BCL9: variants seen among roughly 807,000 people sequenced by gnomAD.
BCL9 encodes the protein B-cell CLL/lymphoma 9 protein.
In BCL9, 25 loss-of-function variants were observed where a neutral mutation model predicts 88.5. The ratio of observed to expected loss-of-function variants is 0.28; its 90% confidence interval spans 0.21 to 0.39. The LOEUF is 0.39. Ranked by LOEUF, BCL9 falls within the 10% of genes least tolerant of loss-of-function variation. The pLI is 1.00. For missense variants in BCL9, 1,817 were observed against 1,877.8 expected, an observed-to-expected ratio of 0.97 and a Z score of 0.60; for synonymous variants, 711 against 673.3, an observed-to-expected ratio of 1.06 and a Z score of -0.87.
Position 147,624,387 on chromosome 1 carries a change from T to A in BCL9, c.3709T>A (p.Ser1237Thr), listed in dbSNP as rs781808585. 1.2e-6 allele frequency: 2 copies of A among 1,614,192 alleles called. No individual in the cohort carries two copies. The highest frequency in any genetic ancestry group is 3.3e-5 in the Admixed American group (2 of 60,030). ...CACCGGAATACCTGAGTTTGATCTA[T>A]CCCGCATTATTCCATCTGAGAAGCC... ...GATGIPEFDL[S>T]RIIPSEKPSQ... The change falls in exon 10 of 10, where the codon TCC becomes ACC. Residue 1237 changes from serine (S) to threonine (T), a missense_variant. Physicochemically the swap from Ser to Thr is moderately conservative, Grantham distance 58. Transcript: ENST00000234739. The surrounding 1 kb of genome is among the most constrained non-coding windows in gnomAD (Gnocchi z 4.4).
chr1:147,564,964 A>C (rs1404041365), intron 1 of BCL9, among the ~76,000 whole-genome samples: 1 of 152,134 alleles, frequency 6.6e-6, no homozygotes, highest in Non-Finnish European at 1.5e-5. Context: ...ACACTAGCCT[A>C]ATTTCGAGTA....
rs74793072 is a variant in BCL9, at chr1:147,585,154, C to T, written c.-477-19623C>T. ...CTATCAGGTCTGCTCTTTAGGGGAG[C>T]GGAGATTGTGGTGGGATTTATTAAA... is the stretch of plus-strand genomic sequence containing the variant. On this transcript the variant is annotated intron_variant, in intron 1 of 9. Coordinates refer to ENST00000234739, the MANE Select transcript of BCL9 (RefSeq NM_004326.4). Among the ~76,000 whole-genome samples the T allele has an allele frequency of 7.9e-3, 1,194 of 152,098 alleles. 21 individuals are homozygous for T. The highest frequency in any genetic ancestry group is 0.027 in the African/African-American group (1,137 of 41,454).
intron 1 of BCL9, among the ~76,000 whole-genome samples, chr1:147,573,314 G>C (rs782173254): frequency 6.6e-6 from 1 of 152,154 alleles, no homozygotes; most frequent in Non-Finnish European, 1.5e-5. Flanking sequence ...TTACCCTGGC[G>C]TGGTGGCACA....
intron 1 of BCL9, among the ~76,000 whole-genome samples, chr1:147,573,992 T>C (rs1020471037): frequency 1.3e-5 from 2 of 152,160 alleles, no homozygotes; most frequent in African/African-American, 2.4e-5. Flanking sequence ...TGAGGGCTCA[T>C]TGAGGGCTAC....
At chr1:147,577,931 GA>G (rs1215362675) in intron 1 of BCL9, among the ~76,000 whole-genome samples, 1 of 151,202 alleles carries the variant, frequency 6.6e-6, no homozygotes, top group Non-Finnish European at 1.5e-5. Context: ...TATGACAAAT[GA>G]AGACATTATG....
chr1:147,550,676 GCCTGTGCTTTCTT>G (rs782505597), intron 1 of BCL9, among the ~76,000 whole-genome samples: 77 of 152,320 alleles, frequency 5.1e-4, no homozygotes, highest in Middle Eastern at 3.4e-3. Flanking sequence ...GAGCTTCAAA[GCCTGTGCTTTCTT>G]CCTGTGCTTT....
chr1:147,573,055 C>G (rs945944453), intron 1 of BCL9, among the ~76,000 whole-genome samples: 10 of 152,180 alleles, frequency 6.6e-5, no homozygotes, highest in Non-Finnish European at 1.5e-4. Context: ...TCTTATTAGC[C>G]TTGTCAGGGT....
At chr1:147,584,676 T>A (rs1271601996) in intron 1 of BCL9, among the ~76,000 whole-genome samples, 1 of 152,256 alleles carries the variant, frequency 6.6e-6, no homozygotes, top group Non-Finnish European at 1.5e-5. Context: ...TTCAGACTTA[T>A]GTCTTGTGTG....
Position 147,622,283 on chromosome 1 carries a change from C to T in BCL9, c.2915C>T (p.Pro972Leu). 1 of 1,614,146 alleles carries T rather than the reference C, an allele frequency of 6.2e-7. No individual in the cohort carries two copies. Among genetic ancestry groups the T allele is most frequent in the Non-Finnish European group, 8.5e-7 (1 of 1,180,000 alleles). ...TGCTTCCTTTTAGGTGGCCCCCCACCTCCTACAGCCAGCCAGCCTGCCTCT... is the reference window on the plus strand; with the variant it reads ...TGCTTCCTTTTAGGTGGCCCCCCACTTCCTACAGCCAGCCAGCCTGCCTCT... The part of the protein sequence containing the change: ...LGNVESGGPP[P>L]PTASQPASVN... Residue 972 changes from proline (P) to leucine (L), a missense_variant, in exon 9 of 10, where the codon CCT (proline) becomes CTT (leucine). Physicochemically the swap from Pro to Leu is moderately conservative, Grantham distance 98. Coordinates refer to ENST00000234739, the MANE Select transcript of BCL9 (RefSeq NM_004326.4).
intron 1 of BCL9, among the ~76,000 whole-genome samples, chr1:147,550,628 C>T (rs1449355538): frequency 6.6e-6 from 1 of 152,236 alleles, no homozygotes; most frequent in South Asian, 2.1e-4. Flanking sequence ...GAATTGGGGA[C>T]CAGGATGAGG....
At chr1:147,602,066 A>C (rs1409529129) in intron 1 of BCL9, among the ~76,000 whole-genome samples, 2 of 151,430 alleles carry the variant, frequency 1.3e-5, no homozygotes, top group African/African-American at 4.9e-5. Flanking sequence ...ACGTCCAGCT[A>C]ATTTATGTAC....
intron 7 of BCL9, among the ~76,000 whole-genome samples, chr1:147,617,611 T>C (rs587613230): frequency 1.6e-4 from 25 of 152,346 alleles, no homozygotes; most frequent in Middle Eastern, 3.4e-3. Flanking sequence ...AGAATATAAG[T>C]GCTCAAAGAT....
rs1553205565 is a variant in BCL9 at position 147,622,368 on chromosome 1, C to T, written c.3000C>T (p.Thr1000=). Residue 1000 remains threonine (T), a synonymous_variant, in exon 9 of 10, where the codon ACC becomes ACT. Transcript: ENST00000234739. ...STPYTMPPEP[T]LSQNPLSIMM... Reference sequence around the variant, plus strand: ...CTTATACCATGCCTCCAGAGCCAACCCTTTCCCAGAACCCACTCTCTATTA... The same window carrying T: ...CTTATACCATGCCTCCAGAGCCAACTCTTTCCCAGAACCCACTCTCTATTA... The T allele has an allele frequency of 6.2e-7, 1 of 1,614,188 alleles. No individual in the cohort carries two copies. The highest frequency in any genetic ancestry group is 8.5e-7 in the Non-Finnish European group (1 of 1,180,040).
At position 147,619,795 on chromosome 1, in the gene BCL9, G is replaced by A; in HGVS notation, c.1640G>A (p.Arg547Lys). The change falls in exon 8 of 10, where the codon AGG becomes AAG. Residue 547 changes from arginine to lysine, a missense_variant. This residue lies in a region of BCL9 where 1,228 missense variants were observed against 1,191.6 expected (regional missense o/e 1.03). Transcript: ENST00000234739. The surrounding 1 kb of genome is among the most constrained non-coding windows in gnomAD (Gnocchi z 4.1). ...GINMPHSLPP[R>K]GMAPHPNMPG... is the part of the protein sequence containing the mutation. Reference sequence around the variant, plus strand: ...AACATGCCACATTCTCTGCCCCCGAGGGGCATGGCTCCCCACCCCAACATG... The same window carrying A: ...AACATGCCACATTCTCTGCCCCCGAAGGGCATGGCTCCCCACCCCAACATG... The A allele has an allele frequency of 1.9e-6, 3 of 1,614,154 alleles. No homozygotes were observed. Among genetic ancestry groups the A allele is most frequent in the Non-Finnish European group, 2.5e-6 (3 of 1,180,008 alleles).
chr1:147,600,560 T>C (rs1328034792), intron 1 of BCL9, among the ~76,000 whole-genome samples: 1 of 151,130 alleles, frequency 6.6e-6, no homozygotes, highest in African/African-American at 2.4e-5. Context: ...TCACGGGCGG[T>C]GGAGAGAGAG....
chr1:147,599,530 C>T (rs1287310630), intron 1 of BCL9, among the ~76,000 whole-genome samples: 2 of 151,142 alleles, frequency 1.3e-5, no homozygotes, highest in African/African-American at 2.5e-5. Flanking sequence ...CGCGAGGCGG[C>T]GGGAAGGTCC....
At chr1:147,555,251 A>G (rs369478158) in intron 1 of BCL9, among the ~76,000 whole-genome samples, 21 of 152,072 alleles carry the variant, frequency 1.4e-4, no homozygotes, top group African/African-American at 4.3e-4. Flanking sequence ...TACGAAGTCT[A>G]GAACACTGAG....
intron 7 of BCL9, among the ~76,000 whole-genome samples, chr1:147,618,561 C>A (rs912995875): frequency 3.6e-4 from 54 of 152,020 alleles, no homozygotes; most frequent in African/African-American, 1.3e-3. Context: ...GAGTGGCTCT[C>A]CCCTGGCATA....
intron 1 of BCL9, among the ~76,000 whole-genome samples, chr1:147,588,091 G>A (rs112597440): frequency 0.014 from 2,117 of 152,282 alleles, 29 homozygotes; most frequent in Non-Finnish European, 0.021. Flanking sequence ...ACTATAAGCG[G>A]TATTTGGGAT....
Sources: allele counts gnomAD v4.1 joint callset (sites outside exome capture counted in the v4.1 genomes callset), GRCh38; gene constraint gnomAD v4.1.1; regional missense constraint gnomAD v4.1.1; non-coding constraint Gnocchi (gnomAD v3.1); transcripts MANE v1.5; gene names NCBI Gene and HGNC (gene_info 2026-07-23, HGNC 2026-07-21).